The following MYL12A variants were observed in gnomAD, a reference collection of about 807,000 sequenced individuals.
MYL12A encodes the protein myosin regulatory light chain 12A.
In MYL12A, 11 loss-of-function variants were observed where a neutral mutation model predicts 13.3. That is an observed-to-expected ratio of 0.83 (90% CI 0.52 to 1.37). The LOEUF (loss-of-function observed/expected upper bound fraction) is 1.37, where lower values mean the gene tolerates loss of function less well. Ranked by LOEUF, MYL12A falls within the 40% of genes most tolerant of loss-of-function variation. The pLI is 0.00. For synonymous variants in MYL12A, 51 were observed against 69.9 expected (o/e 0.73, Z 1.35); for missense variants, 146 against 212.3 (o/e 0.69, Z 1.94).
intron 1 of MYL12A, chr18:3,249,253 T>G (rs188765098): frequency 1.3e-5 from 2 of 152,346 alleles, no homozygotes; most frequent in Admixed American, 1.3e-4. Flanking sequence ...AAACTTCTTG[T>G]GTCCTTTGGT....
Position 3,253,961 on chromosome 18 carries a change from TC to T in MYL12A, c.256del (p.Leu86SerfsTer8). ...CCAGGCCCCATCAATTTCACCATGT[TC>T]CTCACCATGTTTGGTGAGAAGTTAA... ...EAPGPINFTM[F>X]LTMFGEKLNG... On this transcript the variant is annotated frameshift_variant, in exon 3 of 4. Coordinates refer to ENST00000217652, the MANE Select transcript of MYL12A (RefSeq NM_006471.4). LOFTEE classifies it high-confidence loss of function. The T allele has an allele frequency of 6.2e-7, 1 of 1,614,002 alleles. No individual in the cohort carries two copies. The highest frequency in any genetic ancestry group is 1.7e-5 in the Admixed American group (1 of 60,008).
In MYL12A at chr18:3,254,140, C is replaced by T; in HGVS notation, c.343+90C>T. ...CAGTAACTTAAAATATGATAACGCT[C>T]TCAGGTTTGTACTACACCTATTTTT... On this transcript the variant is annotated intron_variant, in intron 3 of 3. Coordinates refer to ENST00000217652, the MANE Select transcript of MYL12A (RefSeq NM_006471.4). 9 of 1,444,510 alleles carry T rather than the reference C, an allele frequency of 6.2e-6. No individual in the cohort carries two copies. In the South Asian group the frequency reaches 8.8e-5, roughly 14 times the overall value. The allele number at this position is 1,444,510 out of a possible 1,614,324, so 89.5% of individuals were successfully genotyped here. A position where few individuals can be genotyped will look rare whatever the true frequency, so the allele number is the denominator to read the frequency against.
chr18:3,251,341 A>C (rs1055318420), intron 1 of MYL12A, among the ~76,000 whole-genome samples: 1 of 152,216 alleles, frequency 6.6e-6, no homozygotes, highest in Admixed American at 6.5e-5. Context: ...TAATAGATTA[A>C]AAAATCAGAT....
chr18:3,248,000 G>C (rs2081446921), intron 1 of MYL12A, 91 bp downstream of exon 1: 1 of 152,412 alleles, frequency 6.6e-6, no homozygotes, highest in Non-Finnish European at 1.5e-5. Context: ...TCCTGGCGCC[G>C]GTAGCGCACC....
rs2081505412 is a variant in MYL12A, at chr18:3,253,317, A to G, written c.70A>G (p.Met24Val). ...GCGTGCAACATCCAATGTGTTTGCTATGTTTGACCAGTCACAGATTCAGGA... is the reference window on the plus strand; with the variant it reads ...GCGTGCAACATCCAATGTGTTTGCTGTGTTTGACCAGTCACAGATTCAGGA... ...PQRATSNVFAMFDQSQIQEFK... is the reference protein window; with the variant it reads ...PQRATSNVFAVFDQSQIQEFK... The change falls in exon 2 of 4, where the codon ATG (methionine) becomes GTG (valine). Residue 24 changes from methionine to valine, a missense_variant. Transcript: ENST00000217652. The G allele has an allele frequency of 1.2e-6, 2 of 1,614,026 alleles. No individual in the cohort carries two copies. The highest frequency in any genetic ancestry group is 1.6e-4 in the Middle Eastern group (1 of 6,082).
At chr18:3,252,295 A>G (rs904014374) in intron 1 of MYL12A, 8 of 1,530,332 alleles carry the variant, frequency 5.2e-6, no homozygotes, top group Non-Finnish European at 7.0e-6. Flanking sequence ...GGTTTTGCAG[A>G]CTACCATCTT....
At chr18:3,248,836 G>GA (rs2081455550) in intron 1 of MYL12A, among the ~76,000 whole-genome samples, 1 of 152,136 alleles carries the variant, frequency 6.6e-6, no homozygotes, top group Non-Finnish European at 1.5e-5. Flanking sequence ...CATAAGAAAT[G>GA]AAACTTGGTT....
rs2081505994 is a variant in MYL12A at position 3,253,370 on chromosome 18, TC to T, written c.124del (p.Gln42ArgfsTer28). 6.2e-6 allele frequency: 10 copies of T among 1,613,856 alleles called. No individual in the cohort carries two copies. The highest frequency in any genetic ancestry group is 8.5e-6 in the Non-Finnish European group (10 of 1,179,858). On this transcript the variant is annotated frameshift_variant, in exon 2 of 4. Coordinates refer to ENST00000217652, the MANE Select transcript of MYL12A (RefSeq NM_006471.4). LOFTEE classifies it high-confidence loss of function. ...TCAAAGAGGCCTTCAACATGATTGA[TC>T]AGAACAGAGATGGTTTCATCGACAA... is the stretch of plus-strand genomic sequence containing the variant. ...EFKEAFNMID[Q>X]NRDGFIDKED... is the part of the protein sequence containing the mutation.
chr18:3,251,736 A>C (rs1331087801), intron 1 of MYL12A, among the ~76,000 whole-genome samples: 1 of 152,208 alleles, frequency 6.6e-6, no homozygotes, highest in Non-Finnish European at 1.5e-5. Context: ...GTTTTAAGTC[A>C]TGAAAGGCAG....
At chr18:3,253,748 T>C in intron 2 of MYL12A, 141 bp from the exon 3 acceptor site, 2 of 962,536 alleles carry the variant, frequency 2.1e-6, no homozygotes, top group South Asian at 1.8e-5. Context: ...AAGAAAACTT[T>C]CCCCCCAAAT....
rs11539722 is a variant in MYL12A, at chr18:3,253,922, T to C, written c.215T>C (p.Met72Thr). The C allele has an allele frequency of 6.2e-7, 1 of 1,611,032 alleles. No homozygotes were observed. The highest frequency in any genetic ancestry group is 8.5e-7 in the Non-Finnish European group (1 of 1,179,320). ...CCAACTGATGAGTATCTAGATGCCA[T>C]GATGAATGAGGCTCCAGGCCCCATC... is the stretch of plus-strand genomic sequence containing the variant. Reference protein sequence around the residue: ...KNPTDEYLDAMMNEAPGPINF... With the variant: ...KNPTDEYLDATMNEAPGPINF... Residue 72 changes from methionine (M) to threonine (T), a missense_variant, in exon 3 of 4, where the codon ATG (methionine) becomes ACG (threonine). Physicochemically the swap from Met to Thr is moderately conservative, Grantham distance 81. Transcript: ENST00000217652.
chr18:3,248,077 C>G, intron 1 of MYL12A, 168 bp downstream of exon 1: 1 of 152,210 alleles, frequency 6.6e-6, no homozygotes, highest in East Asian at 1.9e-4. Flanking sequence ...TGGCCCAGAC[C>G]CGAACTTCGC....
At chr18:3,253,210 A>AT (rs745494188) in intron 1 of MYL12A, 23 bp from the exon 2 acceptor site, 1 of 1,572,494 alleles carries the variant, frequency 6.4e-7, no homozygotes, top group Admixed American at 1.9e-5. Context: ...TTTGGTTTTT[A>AT]TTGTATTTCC....
chr18:3,252,574 A>T (rs767626098), intron 1 of MYL12A: 225 of 844,762 alleles, frequency 2.7e-4, no homozygotes, highest in Non-Finnish European at 3.2e-4. Context: ...CTGTTTAGAG[A>T]TCTTAGATAC....
At chr18:3,255,445 C>A in intron 3 of MYL12A, 1 of 238,142 alleles carries the variant, frequency 4.2e-6, no homozygotes, top group Non-Finnish European at 8.0e-6. Context: ...ATTCTTTAAC[C>A]ATACTTTTTA....
At chr18:3,253,449 T>C in intron 2 of MYL12A, 21 bp downstream of exon 2, 1 of 1,607,662 alleles carries the variant, frequency 6.2e-7, no homozygotes, top group Admixed American at 1.7e-5. Context: ...GTTTAAATAT[T>C]AATCTATTGG....
intron 2 of MYL12A, chr18:3,253,671 T>G (rs1032788868): frequency 2.4e-5 from 16 of 679,330 alleles, no homozygotes; most frequent in Non-Finnish European, 3.6e-5. Context: ...GGAAGCAGTA[T>G]TATTCCTTCT....
chr18:3,256,034 C>G lies in MYL12A; in HGVS notation c.*116C>G. 1 of 1,328,160 alleles carries G rather than the reference C, an allele frequency of 7.5e-7. No individual in the cohort carries two copies. The allele number at this position is 1,328,160 out of a possible 1,614,324, so 82.3% of individuals were successfully genotyped here. On this transcript the variant is annotated 3_prime_UTR_variant, in exon 4 of 4. Transcript: ENST00000217652. Reference sequence around the variant, plus strand: ...CATTTCCTGTTGTATTTATTCTCAGCCATTTTGGGCATATGTATCTTTATA... The same window carrying G: ...CATTTCCTGTTGTATTTATTCTCAGGCATTTTGGGCATATGTATCTTTATA...
chr18:3,251,291 C>T (rs186266802), intron 1 of MYL12A, among the ~76,000 whole-genome samples: 1 of 152,082 alleles, frequency 6.6e-6, no homozygotes, highest in African/African-American at 2.4e-5. Flanking sequence ...GAAAATGTAT[C>T]TAGAGGACCC....
Sources: allele counts gnomAD v4.1 joint callset (sites outside exome capture counted in the v4.1 genomes callset), GRCh38; gene constraint gnomAD v4.1.1; transcripts MANE v1.5; gene names NCBI Gene and HGNC (gene_info 2026-07-23, HGNC 2026-07-21).